Variants in TNKS observed in about 807,000 individuals in gnomAD.
The protein encoded by TNKS is tankyrase.
A neutral mutation model predicts 135.8 loss-of-function variants in TNKS; 72 were observed. The observed-to-expected ratio is 0.53, with a 90% CI of 0.44 to 0.64. TNKS has a LOEUF of 0.64. Ranked by LOEUF, TNKS falls within the 30% of genes least tolerant of loss-of-function variation. The pLI, the probability that TNKS is intolerant of heterozygous loss-of-function variation, is 0.00. For missense variants in TNKS, 1,769 were observed against 1,674.0 expected (o/e 1.06, Z -0.99); for synonymous variants, 849 against 649.3 (o/e 1.31, Z -4.68).
In TNKS at chr8:9,719,686, G is replaced by T. The variant is rs566971770; in HGVS notation, c.1750-688G>T. 3.9e-5 allele frequency among the ~76,000 whole-genome samples: 6 copies of T among 152,278 alleles called. No individual in the cohort carries two copies. The East Asian group carries it at 1.2e-3, about 29-fold the overall frequency. On this transcript the variant is annotated intron_variant, in intron 11 of 26. Transcript: ENST00000310430. ...GACTTGGGTCTGACTGGAGTAGAGG[G>T]TGCTGATTGGGATCTGCTGGAAGAT...
At chr8:9,639,246 G>A (rs532883618) in intron 3 of TNKS, among the ~76,000 whole-genome samples, 3 of 152,164 alleles carry the variant, frequency 2.0e-5, no homozygotes, top group South Asian at 2.1e-4. Flanking sequence ...ATTTTTTAAA[G>A]TAGACCTATC....
chr8:9,619,315 T>C (rs1333664175), intron 3 of TNKS, among the ~76,000 whole-genome samples: 1 of 152,140 alleles, frequency 6.6e-6, no homozygotes, highest in Non-Finnish European at 1.5e-5. Flanking sequence ...AGGGTCTTTG[T>C]TAATTATGTG....
chr8:9,592,362 G>A (rs1297605190), intron 2 of TNKS, among the ~76,000 whole-genome samples: 1 of 152,070 alleles, frequency 6.6e-6, no homozygotes, highest in Admixed American at 6.6e-5. Flanking sequence ...CATCTTACTG[G>A]CTTTAGTAGA....
At chr8:9,608,216 T>C (rs2128762241) in intron 2 of TNKS, among the ~76,000 whole-genome samples, 1 of 152,302 alleles carries the variant, frequency 6.6e-6, no homozygotes, top group Non-Finnish European at 1.5e-5. Context: ...GCTGGGAATA[T>C]AGGCATGAGA....
intron 7 of TNKS, among the ~76,000 whole-genome samples, chr8:9,706,551 C>T (rs903974645): frequency 6.6e-6 from 1 of 151,966 alleles, no homozygotes; most frequent in East Asian, 1.9e-4. Context: ...TTTGTAGAGA[C>T]GAGGTTTTGC....
In TNKS at chr8:9,776,726, A is replaced by C; in HGVS notation, c.3974A>C (p.Gln1325Pro). 6.2e-7 allele frequency: 1 copy of C among 1,614,004 alleles called. No homozygotes were observed. The highest frequency in any genetic ancestry group is 1.3e-5 in the African/African-American group (1 of 75,048). Residue 1325 changes from glutamine to proline, a missense_variant, in exon 27 of 27, where the codon CAG becomes CCG. Gln to Pro is a moderately conservative substitution (Grantham distance 76). Transcript: ENST00000310430. ...APSQTATAAE[Q>P]KT ...TCCCAGACCGCAACAGCCGCAGAGC[A>C]GAAGACCTAGTGAATGCCTGCTGGT... is the stretch of plus-strand genomic sequence containing the variant.
At chr8:9,619,261 A>T (rs1799769687) in intron 3 of TNKS, among the ~76,000 whole-genome samples, 1 of 152,172 alleles carries the variant, frequency 6.6e-6, no homozygotes, top group African/African-American at 2.4e-5. Flanking sequence ...TTTAAGTTAA[A>T]GGTGGTTGAC....
At chr8:9,567,016 C>G (rs1797571347) in intron 1 of TNKS, among the ~76,000 whole-genome samples, 1 of 152,206 alleles carries the variant, frequency 6.6e-6, no homozygotes, top group African/African-American at 2.4e-5. Context: ...GTCTGTGCTA[C>G]TCAAATGGAA....
intron 5 of TNKS, among the ~76,000 whole-genome samples, chr8:9,686,991 A>C (rs1023160935): frequency 2.0e-5 from 3 of 152,208 alleles, no homozygotes; most frequent in African/African-American, 7.2e-5. Context: ...CCCATAATGC[A>C]GAATTGAATT....
Position 9,750,046 on chromosome 8 carries a change from C to A in TNKS, c.2833-1563C>A, listed in dbSNP as rs893011093. ...CCACAAATCTTTTCAAGACAGGTCC[C>A]TCTCTAACATGGAATCCAAGTAAAG... is the stretch of plus-strand genomic sequence containing the variant. On this transcript the variant is annotated intron_variant, in intron 18 of 26. Coordinates refer to ENST00000310430, the MANE Select transcript of TNKS (RefSeq NM_003747.3). 5.9e-5 allele frequency among the ~76,000 whole-genome samples: 9 copies of A among 152,342 alleles called. No homozygotes were observed. In the East Asian group the frequency reaches 1.7e-3, roughly 29 times the overall value.
intron 2 of TNKS, among the ~76,000 whole-genome samples, chr8:9,595,801 C>T (rs183382100): frequency 6.6e-6 from 1 of 152,250 alleles, no homozygotes; most frequent in East Asian, 1.9e-4. Context: ...TTTAGACTCA[C>T]TTCAATTGTT....
intron 18 of TNKS, among the ~76,000 whole-genome samples, chr8:9,749,987 A>G (rs975951777): frequency 6.6e-6 from 1 of 152,056 alleles, no homozygotes; most frequent in African/African-American, 2.4e-5. Flanking sequence ...TTTCCCATCA[A>G]ATTACACACC....
chr8:9,704,310 A>G (rs1446308298), intron 5 of TNKS, among the ~76,000 whole-genome samples: 4 of 152,194 alleles, frequency 2.6e-5, no homozygotes, highest in Non-Finnish European at 5.9e-5. Flanking sequence ...TAAGTAGGAT[A>G]AGGAAGAATG....
intron 3 of TNKS, among the ~76,000 whole-genome samples, chr8:9,657,718 A>T (rs1341327393): frequency 2.1e-5 from 2 of 96,916 alleles, no homozygotes; most frequent in African/African-American, 4.0e-5. Context: ...ACTTCCCAGT[A>T]GGGGCGGCCG....
At chr8:9,640,607 A>G (rs1278512478) in intron 3 of TNKS, among the ~76,000 whole-genome samples, 1 of 146,190 alleles carries the variant, frequency 6.8e-6, no homozygotes, top group Admixed American at 7.2e-5. Context: ...TAAGAATTAA[A>G]TTTGACATAG....
At chr8:9,577,914 G>C (rs1798015618) in intron 1 of TNKS, among the ~76,000 whole-genome samples, 1 of 152,206 alleles carries the variant, frequency 6.6e-6, no homozygotes, top group Non-Finnish European at 1.5e-5. Context: ...ACAAGATACA[G>C]TGGGCGTACA....
intron 2 of TNKS, among the ~76,000 whole-genome samples, chr8:9,599,395 A>C (rs1397773271): frequency 6.6e-6 from 1 of 152,212 alleles, no homozygotes; most frequent in Non-Finnish European, 1.5e-5. Context: ...ACAGCAATTC[A>C]CTGTGTTAGG....
intron 3 of TNKS, among the ~76,000 whole-genome samples, chr8:9,623,962 A>C (rs1799960809): frequency 6.6e-6 from 1 of 152,182 alleles, no homozygotes; most frequent in African/African-American, 2.4e-5. Context: ...AGATCATGCC[A>C]CTGTACTCCA....
At chr8:9,629,783 T>C (rs1330690038) in intron 3 of TNKS, among the ~76,000 whole-genome samples, 2 of 152,096 alleles carry the variant, frequency 1.3e-5, no homozygotes, top group Non-Finnish European at 2.9e-5. Context: ...CCCCGGTTCA[T>C]GCCATTCTCC....
Sources: allele counts gnomAD v4.1 joint callset (sites outside exome capture counted in the v4.1 genomes callset), GRCh38; gene constraint gnomAD v4.1.1; transcripts MANE v1.5; gene names NCBI Gene and HGNC (gene_info 2026-07-23, HGNC 2026-07-21).